Variants in RAB3B observed in about 807,000 individuals in gnomAD.
The protein encoded by RAB3B is RAB3B, member RAS oncogene family, also known as ras-related protein Rab-3B.
A neutral mutation model predicts 20.5 loss-of-function variants in RAB3B; 11 were observed. That is an observed-to-expected ratio of 0.54 (90% CI 0.34 to 0.89). RAB3B has a LOEUF of 0.89. RAB3B is among the 40% of genes least tolerant of loss of function. The pLI is 0.02. For missense variants in RAB3B, 225 were observed against 280.9 expected (o/e 0.80, Z 1.42); for synonymous variants, 99 against 106.3 (o/e 0.93, Z 0.42).
At position 51,968,145 on chromosome 1, in the gene RAB3B, C is replaced by T. The variant is rs146343215; in HGVS notation, c.228+8745G>A. 8.6e-4 allele frequency among the ~76,000 whole-genome samples: 131 copies of T among 152,120 alleles called. 3 individuals carry two copies. The East Asian group carries it at 0.022, about 26-fold the overall frequency. On this transcript the variant is annotated intron_variant, in intron 2 of 4. Coordinates refer to ENST00000371655, the MANE Select transcript of RAB3B (RefSeq NM_002867.4). Reference sequence around the variant, plus strand: ...AGCTGGAAAAGGCAAATTAAAGATGCCCCCCAGATGAGGCCCTCCAGAGAG... The same window carrying T: ...AGCTGGAAAAGGCAAATTAAAGATGTCCCCCAGATGAGGCCCTCCAGAGAG...
At chr1:51,946,710 A>G (rs751708227) in intron 2 of RAB3B, among the ~76,000 whole-genome samples, 27 of 152,184 alleles carry the variant, frequency 1.8e-4, no homozygotes, top group Non-Finnish European at 3.8e-4. Context: ...TGCTTTATAT[A>G]TGAGACCCAT....
intron 4 of RAB3B, among the ~76,000 whole-genome samples, chr1:51,932,566 A>G (rs1403887511): frequency 6.6e-6 from 1 of 152,204 alleles, no homozygotes; most frequent in East Asian, 1.9e-4. Context: ...TGAGCTACAT[A>G]CTCAAACCAC....
intron 4 of RAB3B, among the ~76,000 whole-genome samples, chr1:51,930,656 C>T (rs1347070888): frequency 6.6e-6 from 1 of 152,166 alleles, no homozygotes; most frequent in African/African-American, 2.4e-5. Flanking sequence ...CTTTGAAACA[C>T]TTAGAATAAA....
chr1:51,915,224 C>A lies in RAB3B; in HGVS notation c.*4703G>T, dbSNP rs566180394. 1 of 152,010 alleles carries A rather than the reference C, an allele frequency of 6.6e-6. No individual in the cohort carries two copies. The highest frequency in any genetic ancestry group is 1.5e-5 in the Non-Finnish European group (1 of 68,002). The allele number at this position is 152,010 out of a possible 1,614,324, so 9.4% of individuals were successfully genotyped here. A position where few individuals can be genotyped will look rare whatever the true frequency, so the allele number is the denominator to read the frequency against. On this transcript the variant is annotated 3_prime_UTR_variant, in exon 5 of 5. Coordinates refer to ENST00000371655, the MANE Select transcript of RAB3B (RefSeq NM_002867.4). Reference sequence around the variant, plus strand: ...TTTAGAAACAGCATCTCCATTAGATCATAGGACCTTGCAGGCAGGGATCAT... The same window carrying A: ...TTTAGAAACAGCATCTCCATTAGATAATAGGACCTTGCAGGCAGGGATCAT...
rs992779339 is a variant in RAB3B at position 51,913,661 on chromosome 1, G to C, written c.*6266C>G. On this transcript the variant is annotated 3_prime_UTR_variant, in exon 5 of 5. Coordinates refer to ENST00000371655, the MANE Select transcript of RAB3B (RefSeq NM_002867.4). The stretch of plus-strand genomic sequence containing the variant: ...TAATTTTTGTATTTTTAGTAGAGAT[G>C]GGTTTTCACCATGTTGGCCAGGCTG... 1 of 152,018 alleles carries C rather than the reference G, an allele frequency of 6.6e-6. No individual in the cohort carries two copies. Among genetic ancestry groups the C allele is most frequent in the Admixed American group, 6.6e-5 (1 of 15,248 alleles). The allele number at this position is 152,018 out of a possible 1,614,324, so 9.4% of individuals were successfully genotyped here. A position where few individuals can be genotyped will look rare whatever the true frequency, so the allele number is the denominator to read the frequency against.
chr1:51,951,745 T>C (rs1684645363), intron 2 of RAB3B, among the ~76,000 whole-genome samples: 1 of 152,016 alleles, frequency 6.6e-6, no homozygotes, highest in African/African-American at 2.4e-5. Context: ...GCCTAGGAGA[T>C]GGGGGCTGCA....
At chr1:51,966,555 AT>A (rs771758611) in intron 2 of RAB3B, among the ~76,000 whole-genome samples, 7 of 152,158 alleles carry the variant, frequency 4.6e-5, no homozygotes, top group Non-Finnish European at 1.0e-4. Context: ...TGGCTTGTTA[AT>A]TCATTTGAAA....
intron 2 of RAB3B, among the ~76,000 whole-genome samples, chr1:51,972,178 G>GA (rs1162117368): frequency 1.3e-5 from 2 of 151,230 alleles, no homozygotes; most frequent in African/African-American, 2.4e-5. Context: ...CTATCTCAAA[G>GA]AAAAAAAAGC....
At chr1:51,955,035 T>C (rs973954124) in intron 2 of RAB3B, among the ~76,000 whole-genome samples, 1 of 152,230 alleles carries the variant, frequency 6.6e-6, no homozygotes, top group African/African-American at 2.4e-5. Context: ...TAGTGTGTGC[T>C]AAATAGTAAG....
chr1:51,982,901 G>A (rs1685105964), intron 1 of RAB3B, among the ~76,000 whole-genome samples: 1 of 152,174 alleles, frequency 6.6e-6, no homozygotes, highest in South Asian at 2.1e-4. Context: ...TGTAGCCTAA[G>A]TGTAGAGTGT....
intron 4 of RAB3B, among the ~76,000 whole-genome samples, chr1:51,921,265 T>C (rs1373278966): frequency 6.6e-6 from 1 of 152,148 alleles, no homozygotes; most frequent in African/African-American, 2.4e-5. Context: ...ATTCCTAATA[T>C]CTTTGGGGCA....
intron 2 of RAB3B, among the ~76,000 whole-genome samples, chr1:51,971,693 A>C (rs895959054): frequency 6.6e-6 from 1 of 151,930 alleles, no homozygotes; most frequent in Non-Finnish European, 1.5e-5. Context: ...CAGCCTCCCA[A>C]AGTGCCGGAT....
intron 2 of RAB3B, among the ~76,000 whole-genome samples, chr1:51,940,530 C>T (rs1357297330): frequency 2.0e-5 from 3 of 151,532 alleles, no homozygotes; most frequent in East Asian, 1.9e-4. Flanking sequence ...GGCTGAGGCA[C>T]GAGAATCACT....
At chr1:51,930,420 T>C (rs1684306556) in intron 4 of RAB3B, among the ~76,000 whole-genome samples, 1 of 152,340 alleles carries the variant, frequency 6.6e-6, no homozygotes, top group Admixed American at 6.5e-5. Flanking sequence ...ATTTGCTGTG[T>C]AGTAAAGTTA....
chr1:51,986,988 A>T (rs900954114), intron 1 of RAB3B, among the ~76,000 whole-genome samples: 1 of 152,372 alleles, frequency 6.6e-6, no homozygotes, highest in African/African-American at 2.4e-5. Flanking sequence ...TGTGACAGTC[A>T]CATAAAATGA....
chr1:51,971,273 T>C (rs891439619), intron 2 of RAB3B, among the ~76,000 whole-genome samples: 3 of 150,694 alleles, frequency 2.0e-5, no homozygotes, highest in Non-Finnish European at 4.4e-5. Context: ...TGTACAGAAG[T>C]GATATGTATA....
intron 1 of RAB3B, among the ~76,000 whole-genome samples, chr1:51,988,006 T>C (rs572554732): frequency 1.6e-3 from 243 of 152,142 alleles, no homozygotes; most frequent in African/African-American, 5.7e-3. Flanking sequence ...GCCTCCCAAA[T>C]AGCTGGGATT....
intron 2 of RAB3B, among the ~76,000 whole-genome samples, chr1:51,955,107 G>A (rs930017510): frequency 1.3e-5 from 2 of 152,232 alleles, no homozygotes; most frequent in Non-Finnish European, 2.9e-5. Context: ...ACCTTTATGA[G>A]CGAAGTTTGA....
chr1:51,985,030 G>T (rs956697914), intron 1 of RAB3B, among the ~76,000 whole-genome samples: 1 of 152,104 alleles, frequency 6.6e-6, no homozygotes, highest in Non-Finnish European at 1.5e-5. Context: ...TGAATTCTTA[G>T]GTAAGTCATA....
Sources: allele counts gnomAD v4.1 joint callset (sites outside exome capture counted in the v4.1 genomes callset), GRCh38; gene constraint gnomAD v4.1.1; transcripts MANE v1.5; gene names NCBI Gene and HGNC (gene_info 2026-07-23, HGNC 2026-07-21).